Variants in CWF19L2 observed in about 807,000 individuals in gnomAD.
The protein encoded by CWF19L2 is CWF19-like protein 2.
Under a neutral mutation model 111.7 loss-of-function variants are expected in CWF19L2, and 98 were observed. The observed-to-expected ratio is 0.88, with a 90% CI of 0.75 to 1.04. CWF19L2 has a LOEUF of 1.04. Among genes scored for constraint, CWF19L2 ranks in the 50% least tolerant of loss-of-function variants. The pLI, the probability that CWF19L2 is intolerant of heterozygous loss-of-function variation, is 0.00. For synonymous variants in CWF19L2, 351 were observed against 342.9 expected (o/e 1.02, Z -0.26); for missense variants, 1,101 against 1,051.4 (o/e 1.05, Z -0.65).
intron 5 of CWF19L2, among the ~76,000 whole-genome samples, chr11:107,441,211 A>G (rs1861614610): frequency 6.6e-6 from 1 of 152,204 alleles, no homozygotes; most frequent in Non-Finnish European, 1.5e-5. Flanking sequence ...TTCAGTATGT[A>G]CACTGAAACA....
At chr11:107,423,371 CATGT>C (rs1861328341) in intron 8 of CWF19L2, among the ~76,000 whole-genome samples, 1 of 151,890 alleles carries the variant, frequency 6.6e-6, no homozygotes. Flanking sequence ...TACATTTTTA[CATGT>C]ATGTATAACA....
rs1181218125 is a variant in CWF19L2 at position 107,349,035 on chromosome 11, T to C, written c.2104A>G (p.Asn702Asp). ...TGCCCCTCAGTAAGAGACCGTACGT[T>C]GGGTAAACATAAATAAACCTATAAG... ...IGVKVYLCLP[N>D]VRSLTEGHCL... Residue 702 changes from asparagine to aspartate, a missense_variant, in exon 14 of 18, where the codon AAC becomes GAC. By Grantham distance (23) the Asn-to-Asp change is conservative (BLOSUM62 1). Coordinates refer to ENST00000282251, the MANE Select transcript of CWF19L2 (RefSeq NM_152434.3). 6.3e-7 allele frequency: 1 copy of C among 1,599,648 alleles called. No individual in the cohort carries two copies. The highest frequency in any genetic ancestry group is 8.6e-7 in the Non-Finnish European group (1 of 1,169,382).
Position 107,329,996 on chromosome 11 carries a change from GAAGT to G in CWF19L2, c.2459_2462del (p.Tyr820SerfsTer30), listed in dbSNP as rs756541665. 1.9e-6 allele frequency: 3 copies of G among 1,582,256 alleles called. No individual in the cohort carries two copies. The highest frequency in any genetic ancestry group is 1.2e-5 in the South Asian group (1 of 85,818). ...CTCCGTGAAGGCCAAAATCCACAGA[GAAGT>G]AAGGTAACCCTCTGGGTACCTAAAT... On this transcript the variant is annotated frameshift_variant, in exon 17 of 18. Transcript: ENST00000282251. LOFTEE classifies it high-confidence loss of function.
At position 107,442,986 on chromosome 11, in the gene CWF19L2, T is replaced by C. The variant is rs1414684411; in HGVS notation, c.403A>G (p.Lys135Glu). 5.2e-6 allele frequency: 8 copies of C among 1,551,876 alleles called. No individual in the cohort carries two copies. The highest frequency in any genetic ancestry group is 7.0e-6 in the Non-Finnish European group (8 of 1,146,936). Residue 135 changes from lysine to glutamate, a missense_variant, in exon 4 of 18, where the codon AAA (lysine) becomes GAA (glutamate). Physicochemically the swap from Lys to Glu is moderately conservative, Grantham distance 56 (BLOSUM62 1). Transcript: ENST00000282251. The stretch of plus-strand genomic sequence containing the variant: ...TTTCCTGACTTTTCATCTTTCACTT[T>C]CCAGGCTTTTTCCTTGTCAGGAGTC... ...SQTPDKEKAW[K>E]VKDEKSGKDD...
At chr11:107,373,600 C>T (rs149366593) in intron 12 of CWF19L2, among the ~76,000 whole-genome samples, 5 of 126,148 alleles carry the variant, frequency 4.0e-5, no homozygotes, top group South Asian at 2.8e-4. Flanking sequence ...AAAGGACATC[C>T]ACACCAAAAA....
chr11:107,395,125 G>A (rs1021630612), intron 10 of CWF19L2, among the ~76,000 whole-genome samples: 17 of 152,250 alleles, frequency 1.1e-4, no homozygotes, highest in African/African-American at 3.6e-4. Flanking sequence ...GGAGGGACCC[G>A]GTGGGAGATG....
chr11:107,414,766 C>T (rs35425860), intron 10 of CWF19L2, among the ~76,000 whole-genome samples: 20,299 of 152,138 alleles, frequency 0.13, 1,597 homozygotes, highest in Non-Finnish European at 0.17. Flanking sequence ...ATTACCCACC[C>T]CCCACCTAAA....
chr11:107,362,070 C>G (rs1483249316), intron 12 of CWF19L2, among the ~76,000 whole-genome samples: 2 of 152,092 alleles, frequency 1.3e-5, no homozygotes, highest in Non-Finnish European at 2.9e-5. Context: ...GACGGACGCA[C>G]CTGGAAAATC....
intron 10 of CWF19L2, among the ~76,000 whole-genome samples, chr11:107,412,850 C>G (rs1861176984): frequency 6.6e-6 from 1 of 152,166 alleles, no homozygotes; most frequent in South Asian, 2.1e-4. Context: ...AGACAGGAAT[C>G]TTAAATACAT....
chr11:107,435,205 T>C (rs1258100239), intron 6 of CWF19L2, among the ~76,000 whole-genome samples: 1 of 152,178 alleles, frequency 6.6e-6, no homozygotes, highest in Non-Finnish European at 1.5e-5. Flanking sequence ...CTTCAAAACC[T>C]AGATCTCTAA....
At chr11:107,441,455 T>C (rs751432646) in intron 5 of CWF19L2, 48 bp downstream of exon 5, 6 of 1,435,236 alleles carry the variant, frequency 4.2e-6, no homozygotes, top group Non-Finnish European at 5.5e-6. Flanking sequence ...TCTTGTAAGT[T>C]TATTAAAGGT....
At position 107,360,999 on chromosome 11, in the gene CWF19L2, G is replaced by C. The variant is rs545989113; in HGVS notation, c.1873-7263C>G. On this transcript the variant is annotated intron_variant, in intron 12 of 17. Coordinates refer to ENST00000282251, the MANE Select transcript of CWF19L2 (RefSeq NM_152434.3). ...CTTTGTTTTTATTGCTCAGGCTTTTGAGGTCTTAGTAATGAATTCTTCGCC... is the reference window on the plus strand; with the variant it reads ...CTTTGTTTTTATTGCTCAGGCTTTTCAGGTCTTAGTAATGAATTCTTCGCC... Among the ~76,000 whole-genome samples the C allele has an allele frequency of 2.0e-5, 3 of 152,244 alleles. No homozygotes were observed. In the South Asian group the frequency reaches 6.2e-4, roughly 32 times the overall value.
At position 107,418,282 on chromosome 11, in the gene CWF19L2, G is replaced by A. The variant is rs1461618350; in HGVS notation, c.1439C>T (p.Pro480Leu). 2.5e-6 allele frequency: 4 copies of A among 1,607,128 alleles called. No homozygotes were observed. Among genetic ancestry groups the A allele is most frequent in the Non-Finnish European group, 3.4e-6 (4 of 1,173,812 alleles). The change falls in exon 9 of 18, where the codon CCA becomes CTA. Residue 480 changes from proline to leucine, a missense_variant. Transcript: ENST00000282251. ...RDTKSTFAGS[P>L]ERESIHILSV... ...CAGGATGTGAATGGACTCACGCTCT[G>A]GACTGCTATTGGAATAGGAAAGATT...
At chr11:107,413,772 A>G (rs1052342652) in intron 10 of CWF19L2, among the ~76,000 whole-genome samples, 2 of 152,128 alleles carry the variant, frequency 1.3e-5, no homozygotes, top group East Asian at 1.9e-4. Flanking sequence ...TCATAAACAC[A>G]CTCTTTATAA....
At chr11:107,378,009 T>A (rs1406825092) in intron 12 of CWF19L2, among the ~76,000 whole-genome samples, 1 of 151,808 alleles carries the variant, frequency 6.6e-6, no homozygotes, top group Non-Finnish European at 1.5e-5. Flanking sequence ...AAAAAACACA[T>A]GAAAAAATGC....
chr11:107,407,627 G>A (rs1471123016), intron 10 of CWF19L2, among the ~76,000 whole-genome samples: 1 of 104,144 alleles, frequency 9.6e-6, no homozygotes. Flanking sequence ...ACTGAGGAAG[G>A]AGAGAGGCTG....
chr11:107,330,689 CTTT>C (rs1859837094), intron 16 of CWF19L2, among the ~76,000 whole-genome samples: 2 of 141,518 alleles, frequency 1.4e-5, no homozygotes, highest in Non-Finnish European at 3.0e-5. Flanking sequence ...CACACACACA[CTTT>C]AAACTATTTC....
chr11:107,395,406 A>C (rs1167040875), intron 10 of CWF19L2, among the ~76,000 whole-genome samples: 1 of 152,204 alleles, frequency 6.6e-6, no homozygotes. Flanking sequence ...GAAAACAGAC[A>C]AATACAAGAA....
intron 10 of CWF19L2, 62 bp from the exon 11 acceptor site, chr11:107,392,957 T>C (rs1860870377): frequency 4.7e-6 from 5 of 1,055,512 alleles, no homozygotes; most frequent in African/African-American, 3.4e-5. Flanking sequence ...TGTTTTTATT[T>C]AATAACAAAA....
Sources: gnomAD v4.1 joint callset for allele counts (sites outside exome capture counted in the v4.1 genomes callset) on GRCh38, gnomAD v4.1.1 for gene constraint, MANE v1.5 for transcripts, NCBI Gene and HGNC (gene_info 2026-07-23, HGNC 2026-07-21) for gene names.